PLEK: variants seen among roughly 807,000 people sequenced by gnomAD.
The protein encoded by PLEK is platelet 47 kDa protein.
In PLEK, 25 loss-of-function variants were observed where a neutral mutation model predicts 43.9. That is an observed-to-expected ratio of 0.57 (90% CI 0.41 to 0.79). The LOEUF is 0.79. Ranked by LOEUF, PLEK falls within the 30% of genes least tolerant of loss-of-function variation. PLEK has a pLI of 0.00. For missense variants in PLEK, 396 were observed against 413.3 expected, an observed-to-expected ratio of 0.96 and a Z score of 0.36; for synonymous variants, 152 against 144.4, an observed-to-expected ratio of 1.05 and a Z score of -0.38.
chr2:68,367,242 A>C (rs141878638), intron 1 of PLEK, among the ~76,000 whole-genome samples: 38 of 129,660 alleles, frequency 2.9e-4, no homozygotes, highest in African/African-American at 9.9e-4. Flanking sequence ...GATATAATGC[A>C]TTAAGATTCT....
Position 68,395,955 on chromosome 2 carries a change from A to G in PLEK, c.*139A>G. The G allele has an allele frequency of 1.4e-6, 1 of 717,684 alleles. No individual in the cohort carries two copies. The highest frequency in any genetic ancestry group is 2.4e-6 in the Non-Finnish European group (1 of 413,342). The allele number at this position is 717,684 out of a possible 1,614,324, so 44.5% of individuals were successfully genotyped here. A position where few individuals can be genotyped will look rare whatever the true frequency, so the allele number is the denominator to read the frequency against. The stretch of plus-strand genomic sequence containing the variant: ...TTCATTTGCAGGGGGGTCTGAATGT[A>G]ACTCACCATGTGGTGTGCAAGGTTC... On this transcript the variant is annotated 3_prime_UTR_variant, in exon 9 of 9. Coordinates refer to ENST00000234313, the MANE Select transcript of PLEK (RefSeq NM_002664.3).
chr2:68,394,850 G>C (rs1005844105), intron 8 of PLEK, among the ~76,000 whole-genome samples: 1 of 152,166 alleles, frequency 6.6e-6, no homozygotes, highest in Non-Finnish European at 1.5e-5. Flanking sequence ...ATGTGGTTTT[G>C]ACATCCCAAA....
chr2:68,385,431 G>A (rs1673720291), intron 4 of PLEK, among the ~76,000 whole-genome samples: 1 of 152,124 alleles, frequency 6.6e-6, no homozygotes, highest in Admixed American at 6.5e-5. Flanking sequence ...ATCAGTGCAG[G>A]TGATGTCATC....
intron 5 of PLEK, 124 bp from the exon 6 acceptor site, chr2:68,388,263 C>T (rs2241947): frequency 0.27 from 179,031 of 659,144 alleles, 25,913 homozygotes; most frequent in Middle Eastern, 0.33. Context: ...TTGGGATGTA[C>T]ACAGGAATGG....
chr2:68,396,940 T>C lies in PLEK; in HGVS notation c.*1124T>C, dbSNP rs949453479. 1.3e-5 allele frequency: 2 copies of C among 152,238 alleles called. No homozygotes were observed. Among genetic ancestry groups the C allele is most frequent in the South Asian group, 2.1e-4 (1 of 4,834 alleles). The allele number at this position is 152,238 out of a possible 1,614,324, so 9.4% of individuals were successfully genotyped here. On this transcript the variant is annotated 3_prime_UTR_variant, in exon 9 of 9. Transcript: ENST00000234313. ...ATCTTCAGTTCTCCAGTAAATGATA[T>C]TGCGTTCGTGCCTCAGCTTTAAGCA...
chr2:68,377,713 T>G (rs756533175), intron 1 of PLEK, among the ~76,000 whole-genome samples: 2 of 152,212 alleles, frequency 1.3e-5, no homozygotes, highest in Non-Finnish European at 2.9e-5. Context: ...TTTCTGTCAT[T>G]CTGTGGGTTG....
intron 1 of PLEK, among the ~76,000 whole-genome samples, chr2:68,366,602 T>C (rs1001960470): frequency 2.6e-5 from 4 of 152,238 alleles, no homozygotes; most frequent in Admixed American, 2.0e-4. Flanking sequence ...TGTAGTGTAT[T>C]TGTGATGGTG....
At chr2:68,370,646 C>T (rs1247557519) in intron 1 of PLEK, among the ~76,000 whole-genome samples, 13 of 152,106 alleles carry the variant, frequency 8.5e-5, no homozygotes, top group East Asian at 7.7e-4. Flanking sequence ...CCACCAAGCC[C>T]AGCTAATTTT....
chr2:68,390,902 T>C (rs1264660865), intron 6 of PLEK, among the ~76,000 whole-genome samples: 1 of 152,244 alleles, frequency 6.6e-6, no homozygotes, highest in Non-Finnish European at 1.5e-5. Context: ...TTTTACATAA[T>C]TGTTTCTGTT....
chr2:68,367,368 C>T (rs1240356019), intron 1 of PLEK, among the ~76,000 whole-genome samples: 1 of 151,762 alleles, frequency 6.6e-6, no homozygotes, highest in South Asian at 2.1e-4. Context: ...ATTTTGTTAC[C>T]TAAGTACTAT....
intron 1 of PLEK, among the ~76,000 whole-genome samples, chr2:68,367,736 G>A (rs1673311256): frequency 6.6e-6 from 1 of 152,210 alleles, no homozygotes; most frequent in Non-Finnish European, 1.5e-5. Flanking sequence ...ATGGGGCTAT[G>A]TACTGGTTCC....
At chr2:68,377,012 G>A (rs1325371294) in intron 1 of PLEK, among the ~76,000 whole-genome samples, 1 of 152,120 alleles carries the variant, frequency 6.6e-6, no homozygotes, top group Non-Finnish European at 1.5e-5. Context: ...AGATATGTGA[G>A]AACATGTGAT....
At position 68,393,329 on chromosome 2, in the gene PLEK, C is replaced by G. The variant is rs928460595; in HGVS notation, c.846+84C>G. 29 of 911,542 alleles carry G rather than the reference C, an allele frequency of 3.2e-5. No homozygotes were observed. In the Admixed American group the frequency reaches 4.6e-4, roughly 14 times the overall value. The allele number at this position is 911,542 out of a possible 1,614,324, so 56.5% of individuals were successfully genotyped here. A position where few individuals can be genotyped will look rare whatever the true frequency, so the allele number is the denominator to read the frequency against. ...TGGGCTTCCTATTCCCCTCTCTACTCTGTTGATATCCCCTTTTTCTCTTTA... is the reference window on the plus strand; with the variant it reads ...TGGGCTTCCTATTCCCCTCTCTACTGTGTTGATATCCCCTTTTTCTCTTTA... On this transcript the variant is annotated intron_variant, in intron 7 of 8. Transcript: ENST00000234313.
intron 4 of PLEK, 98 bp downstream of exon 4, chr2:68,382,731 T>A: frequency 1.5e-6 from 1 of 670,498 alleles, no homozygotes; most frequent in Non-Finnish European, 2.7e-6. Context: ...AGTATGGGGG[T>A]TGGAAGGGGT....
chr2:68,380,613 A>AT, intron 2 of PLEK, 110 bp from the exon 3 acceptor site: 1 of 1,414,170 alleles, frequency 7.1e-7, no homozygotes, highest in East Asian at 2.3e-5. Flanking sequence ...CCACCCTGGC[A>AT]TTTGGGTTTC....
chr2:68,377,715 TGTG>T (rs1344577554), intron 1 of PLEK, among the ~76,000 whole-genome samples: 1 of 152,252 alleles, frequency 6.6e-6, no homozygotes, highest in Non-Finnish European at 1.5e-5. Context: ...TCTGTCATTC[TGTG>T]GGTTGTCTCT....
rs372648044 is a variant in PLEK, at chr2:68,379,172, C to CAG, written c.43-1147_43-1146dup. 2.6e-5 allele frequency among the ~76,000 whole-genome samples: 4 copies of CAG among 151,876 alleles called. No homozygotes were observed. The East Asian group carries it at 7.7e-4, about 29-fold the overall frequency. On this transcript the variant is annotated intron_variant, in intron 1 of 8. Coordinates refer to ENST00000234313, the MANE Select transcript of PLEK (RefSeq NM_002664.3). ...TAAAAATAAAATTTAAAAAAAGAGA[C>CAG]AGAGAGAGAGTGCTTGAGCTAGATC...
intron 1 of PLEK, among the ~76,000 whole-genome samples, chr2:68,376,000 A>G (rs1313464805): frequency 6.6e-6 from 1 of 152,206 alleles, no homozygotes; most frequent in Non-Finnish European, 1.5e-5. Flanking sequence ...TGATTTTCAT[A>G]CAACTTAGCC....
chr2:68,393,527 T>G (rs1295527820), intron 7 of PLEK, among the ~76,000 whole-genome samples: 2 of 152,210 alleles, frequency 1.3e-5, no homozygotes. Flanking sequence ...TCTGATATTT[T>G]CAGGGGAATT....
Sources: allele counts gnomAD v4.1 joint callset (sites outside exome capture counted in the v4.1 genomes callset), GRCh38; gene constraint gnomAD v4.1.1; transcripts MANE v1.5; gene names NCBI Gene and HGNC (gene_info 2026-07-23, HGNC 2026-07-21).